The following PGBD5 variants were observed in gnomAD, a reference collection of about 807,000 sequenced individuals.
The protein encoded by PGBD5 is piggyBac transposable element derived 5.
Under a neutral mutation model 47.9 loss-of-function variants are expected in PGBD5, and 14 were observed. The ratio of observed to expected loss-of-function variants is 0.29; its 90% CI spans 0.19 to 0.46. The LOEUF is 0.46. Among genes scored for constraint, PGBD5 ranks in the 20% least tolerant of loss-of-function variants. The pLI is 1.00. For missense variants in PGBD5, 635 were observed against 716.0 expected, an observed-to-expected ratio of 0.89 and a Z score of 1.29; for synonymous variants, 316 against 306.3, an observed-to-expected ratio of 1.03 and a Z score of -0.33.
intron 1 of PGBD5, among the ~76,000 whole-genome samples, chr1:230,366,686 G>A (rs972304645): frequency 1.3e-5 from 2 of 152,092 alleles, no homozygotes; most frequent in Non-Finnish European, 2.9e-5. Flanking sequence ...AGACAGCCAT[G>A]GTGTGGAATT....
At position 230,315,744 on chromosome 1, in the gene PGBD5, TGTATATATACACATACATATATTATAG is replaced by T. The variant is rs1666925597; in HGVS notation, c.*7654_*7680del. 6.8e-6 allele frequency: 1 copy of T among 146,910 alleles called. No individual in the cohort carries two copies. The highest frequency in any genetic ancestry group is 6.8e-5 in the Admixed American group (1 of 14,652). 9.1% of individuals were successfully genotyped at this position (146,910 alleles called of 1,614,324 possible). ...ATATATATTAAGTGGACACTGTATG[TGTATATATACACATACATATATTATAG>T]ATGTATGCATATATGTATATATGTA... On this transcript the variant is annotated 3_prime_UTR_variant, in exon 7 of 7. Coordinates refer to ENST00000391860, the MANE Select transcript of PGBD5 (RefSeq NM_001258311.2).
At chr1:230,370,568 T>C (rs1009753474) in intron 1 of PGBD5, among the ~76,000 whole-genome samples, 1 of 152,244 alleles carries the variant, frequency 6.6e-6, no homozygotes, top group African/African-American at 2.4e-5. Context: ...AGATCTGCAC[T>C]ATTCTTAACA....
chr1:230,398,199 A>G (rs1160477284), intron 1 of PGBD5, among the ~76,000 whole-genome samples: 1 of 152,218 alleles, frequency 6.6e-6, no homozygotes, highest in Non-Finnish European at 1.5e-5. Context: ...AGGATGGTAC[A>G]TTCATTTGCT....
At position 230,333,015 on chromosome 1, in the gene PGBD5, C is replaced by T. The variant is rs371374137; in HGVS notation, c.1102G>A (p.Ala368Thr). ...QGIYCCGLLR[A>T]RKSDCTGLPL... ...AGGCCGGTGCAGTCACTCTTCCGCG[C>T]GCGGAGCAAGCCGCAGCAGTAAATC... Residue 368 changes from alanine to threonine, a missense_variant, in exon 5 of 7, where the codon GCG becomes ACG. Ala to Thr is a moderately conservative substitution (Grantham distance 58). Transcript: ENST00000391860. The T allele has an allele frequency of 6.8e-6, 11 of 1,605,942 alleles. No homozygotes were observed. In the South Asian group the frequency reaches 1.0e-4, roughly 15 times the overall value.
chr1:230,423,420 T>C (rs748589851), intron 1 of PGBD5, among the ~76,000 whole-genome samples: 37 of 152,174 alleles, frequency 2.4e-4, no homozygotes, highest in African/African-American at 8.9e-4. Flanking sequence ...TTTTAGATAC[T>C]GTGCTCTGGT....
At chr1:230,329,533 A>T (rs936209523) in intron 5 of PGBD5, among the ~76,000 whole-genome samples, 8 of 152,182 alleles carry the variant, frequency 5.3e-5, no homozygotes, top group Non-Finnish European at 1.2e-4. Context: ...TATATTTGAG[A>T]CAGAGTCTTG....
intron 1 of PGBD5, among the ~76,000 whole-genome samples, chr1:230,381,014 T>G (rs1349675779): frequency 2.6e-5 from 4 of 151,970 alleles, no homozygotes; most frequent in Admixed American, 1.3e-4. Flanking sequence ...TAGAGAGGAG[T>G]GACAATGAGG....
In PGBD5 at chr1:230,315,698, A is replaced by G. The variant is rs2102804338; in HGVS notation, c.*7727T>C. The G allele has an allele frequency of 6.6e-6, 1 of 150,720 alleles. No individual in the cohort carries two copies. The highest frequency in any genetic ancestry group is 3.4e-3 in the Middle Eastern group (1 of 294). 9.3% of individuals were successfully genotyped at this position (150,720 alleles called of 1,614,324 possible). On this transcript the variant is annotated 3_prime_UTR_variant, in exon 7 of 7. Coordinates refer to ENST00000391860, the MANE Select transcript of PGBD5 (RefSeq NM_001258311.2). ...TGTGTATGTGTGTGTATATTTACAC[A>G]CACATACACACAAGATAGATATATA...
chr1:230,350,633 C>A (rs910105829), intron 3 of PGBD5, among the ~76,000 whole-genome samples: 2 of 152,172 alleles, frequency 1.3e-5, no homozygotes, highest in South Asian at 2.1e-4. Context: ...CTCGTATGAC[C>A]CACTGTTTGG....
rs201000107 is a variant in PGBD5, at chr1:230,369,617, C to A, written c.332-12296G>T. ...CCCATCAGGCCCTCTGTGCTTACTC[C>A]GTGTCTGTGTGTGTGCTGGGGACAG... On this transcript the variant is annotated intron_variant, in intron 1 of 6. Coordinates refer to ENST00000391860, the MANE Select transcript of PGBD5 (RefSeq NM_001258311.2). 5.1e-4 allele frequency among the ~76,000 whole-genome samples: 78 copies of A among 151,888 alleles called. No homozygotes were observed. In the East Asian group the frequency reaches 0.012, roughly 24 times the overall value.
chr1:230,423,752 A>G (rs1657711450), intron 1 of PGBD5, among the ~76,000 whole-genome samples: 1 of 152,208 alleles, frequency 6.6e-6, no homozygotes. Flanking sequence ...CAGGAAAACA[A>G]AACTGGGTAA....
In PGBD5 at chr1:230,380,940, T is replaced by C. The variant is rs143624483; in HGVS notation, c.332-23619A>G. ...GGAAGAGTCAGAGTGCTAGGCCCTG[T>C]GGACACGGATGGCTCTGGGAGCCCC... On this transcript the variant is annotated intron_variant, in intron 1 of 6. Transcript: ENST00000391860. 5.2e-4 allele frequency among the ~76,000 whole-genome samples: 79 copies of C among 152,348 alleles called. No homozygotes were observed. In the East Asian group the frequency reaches 0.013, roughly 26 times the overall value.
intron 1 of PGBD5, among the ~76,000 whole-genome samples, chr1:230,415,216 A>G (rs1291248498): frequency 6.6e-6 from 1 of 151,996 alleles, no homozygotes; most frequent in Non-Finnish European, 1.5e-5. Flanking sequence ...TCAAGGCTGC[A>G]GTGAGCTGTG....
intron 1 of PGBD5, among the ~76,000 whole-genome samples, chr1:230,361,916 G>C (rs1667750425): frequency 6.6e-6 from 1 of 152,208 alleles, no homozygotes; most frequent in African/African-American, 2.4e-5. Context: ...AAGGGTGACT[G>C]GTAAAAAGCC....
intron 1 of PGBD5, among the ~76,000 whole-genome samples, chr1:230,400,590 C>G (rs576074911): frequency 6.6e-6 from 1 of 152,228 alleles, no homozygotes; most frequent in African/African-American, 2.4e-5. Context: ...CACCAAAGAA[C>G]AGTAGCAGGA....
rs529561925 is a variant in PGBD5 at position 230,323,820 on chromosome 1, T to A, written c.1380-200A>T. Among the ~76,000 whole-genome samples the A allele has an allele frequency of 1.3e-5, 2 of 152,142 alleles. No individual in the cohort carries two copies. The highest frequency in any genetic ancestry group is 4.8e-5 in the African/African-American group (2 of 41,428). ...GGGTTTTGTCACAGTGAACTTCATT[T>A]AAGACCAAGGAAATGAAAACAACAA... On this transcript the variant is annotated intron_variant, in intron 6 of 6. Transcript: ENST00000391860. The surrounding 1 kb of genome is among the most constrained non-coding windows in gnomAD (Gnocchi z 4.1).
intron 2 of PGBD5, among the ~76,000 whole-genome samples, chr1:230,352,410 G>T (rs1241532412): frequency 6.6e-6 from 1 of 152,116 alleles, no homozygotes; most frequent in African/African-American, 2.4e-5. Context: ...GGCAGAAAAA[G>T]GTCTTCCAAG....
chr1:230,376,139 G>T (rs555231504), intron 1 of PGBD5, among the ~76,000 whole-genome samples: 1 of 152,080 alleles, frequency 6.6e-6, no homozygotes, highest in Non-Finnish European at 1.5e-5. Flanking sequence ...GGTGGGATGC[G>T]TGGAGTCCTT....
intron 1 of PGBD5, among the ~76,000 whole-genome samples, chr1:230,385,776 C>T (rs1165956990): frequency 6.6e-6 from 1 of 152,052 alleles, no homozygotes; most frequent in African/African-American, 2.4e-5. Flanking sequence ...ATTTTGCCCC[C>T]ATTTCACATC....
Sources: allele counts gnomAD v4.1 joint callset (sites outside exome capture counted in the v4.1 genomes callset), GRCh38; gene constraint gnomAD v4.1.1; non-coding constraint Gnocchi (gnomAD v3.1); transcripts MANE v1.5; gene names NCBI Gene and HGNC (gene_info 2026-07-23, HGNC 2026-07-21).